MYO16: variants seen among roughly 807,000 people sequenced by gnomAD.
MYO16 encodes myosin XVI, also known as unconventional myosin-XVI.
Under a neutral mutation model 205.3 loss-of-function variants are expected in MYO16, and 94 were observed. The observed-to-expected ratio is 0.46, with a 90% CI of 0.39 to 0.54. The LOEUF (loss-of-function observed/expected upper bound fraction) is 0.54, where lower values mean the gene tolerates loss of function less well. MYO16 is among the 20% of genes least tolerant of loss of function. The pLI is 0.00. For missense variants in MYO16, 2,315 were observed against 2,387.5 expected (o/e 0.97, Z 0.63); for synonymous variants, 988 against 954.0 (o/e 1.04, Z -0.66).
intron 4 of MYO16, among the ~76,000 whole-genome samples, chr13:108,749,534 T>C (rs572629620): frequency 6.6e-6 from 1 of 152,342 alleles, no homozygotes; most frequent in South Asian, 2.1e-4. Context: ...TAGCATTTGT[T>C]ATTAGACAGT....
intron 4 of MYO16, among the ~76,000 whole-genome samples, chr13:108,744,384 T>C (rs1013096268): frequency 7.9e-5 from 12 of 152,356 alleles, no homozygotes; most frequent in Non-Finnish European, 7.3e-5. Flanking sequence ...AGTCATTCTA[T>C]AAGCCTTTTT....
intron 6 of MYO16, among the ~76,000 whole-genome samples, chr13:108,801,800 G>GC (rs1388727743): frequency 1.3e-5 from 2 of 152,174 alleles, no homozygotes; most frequent in East Asian, 3.8e-4. Flanking sequence ...AAGAGACCGT[G>GC]CATGTAAATC....
chr13:108,555,058 G>A, the MYO16 span, among the ~76,000 whole-genome samples: 1 of 151,884 alleles, frequency 6.6e-6, no homozygotes, highest in Admixed American at 6.6e-5. Flanking sequence ...GTCATTAATC[G>A]GCTAGTCTCA....
chr13:109,199,404 G>T (rs1880317588), intron 34 of MYO16, among the ~76,000 whole-genome samples: 1 of 151,430 alleles, frequency 6.6e-6, no homozygotes, highest in South Asian at 2.1e-4. Context: ...TTGCAGATGT[G>T]GAGTCCTTTG....
At chr13:109,048,599 C>T in intron 24 of MYO16, 1 of 359,960 alleles carries the variant, frequency 2.8e-6, no homozygotes, top group Non-Finnish European at 5.0e-6. Context: ...GCTCAGGAGC[C>T]ATGATTGCTC....
At chr13:108,661,212 A>G (rs1156731389) in intron 1 of MYO16, among the ~76,000 whole-genome samples, 1 of 152,098 alleles carries the variant, frequency 6.6e-6, no homozygotes, top group Non-Finnish European at 1.5e-5. Flanking sequence ...CAGAGCTCTT[A>G]AGATTCTTTA....
intron 4 of MYO16, among the ~76,000 whole-genome samples, chr13:108,729,478 TGCA>T: frequency 6.6e-6 from 1 of 152,334 alleles, no homozygotes; most frequent in Non-Finnish European, 1.5e-5. Context: ...TCATGGCTTT[TGCA>T]GTTTTTCTAT....
intron 4 of MYO16, among the ~76,000 whole-genome samples, chr13:108,730,855 C>T (rs2139591223): frequency 6.6e-6 from 1 of 152,302 alleles, no homozygotes; most frequent in African/African-American, 2.4e-5. Flanking sequence ...CTAGACACTC[C>T]TTCTCTGTAC....
intron 27 of MYO16, among the ~76,000 whole-genome samples, chr13:109,099,632 G>A (rs543349446): frequency 1.4e-4 from 21 of 152,238 alleles, no homozygotes; most frequent in Admixed American, 1.4e-3. Flanking sequence ...ATCCATGGCA[G>A]GTGTGTTTCC....
At chr13:108,603,960 A>T (rs774282958) in intron 1 of MYO16, among the ~76,000 whole-genome samples, 31 of 152,222 alleles carry the variant, frequency 2.0e-4, no homozygotes, top group Non-Finnish European at 5.9e-5. Flanking sequence ...GAAAGATTTA[A>T]TTGACTCACA....
chr13:109,100,862 A>G lies in MYO16; in HGVS notation c.3413A>G (p.Gln1138Arg). ...GCCGAGCGATGTCGACTTGTTCTCC[A>G]GCAGTGTAAATTACAAGGCTGGCAG... ...SAAERCRLVLQQCKLQGWQMG... is the reference protein window; with the variant it reads ...SAAERCRLVLRQCKLQGWQMG... The change falls in exon 28 of 35, where the codon CAG (glutamine) becomes CGG (arginine). Residue 1138 changes from glutamine (Q) to arginine (R), a missense_variant. Gln to Arg is a conservative substitution (Grantham distance 43). Transcript: ENST00000457511. The G allele has an allele frequency of 6.2e-7, 1 of 1,613,570 alleles. No individual in the cohort carries two copies. Among genetic ancestry groups the G allele is most frequent in the Non-Finnish European group, 8.5e-7 (1 of 1,179,516 alleles).
chr13:108,592,028 C>T (rs916452428), upstream of MYO16, among the ~76,000 whole-genome samples: 3 of 122,114 alleles, frequency 2.5e-5, no homozygotes, highest in Non-Finnish European at 4.8e-5. Flanking sequence ...CTTTTAAAGA[C>T]ATAAGATTAA....
intron 33 of MYO16, among the ~76,000 whole-genome samples, chr13:109,166,378 T>C (rs1251705003): frequency 2.6e-5 from 4 of 152,028 alleles, no homozygotes; most frequent in Non-Finnish European, 5.9e-5. Context: ...AAATAAAAAA[T>C]AACTGGAGAA....
chr13:108,862,370 T>A (rs561249691), intron 11 of MYO16, among the ~76,000 whole-genome samples: 8 of 152,230 alleles, frequency 5.3e-5, no homozygotes, highest in African/African-American at 1.7e-4. Flanking sequence ...CATCCAGGAT[T>A]ATGTTGTTTA....
chr13:109,030,748 A>G (rs1357591369), intron 23 of MYO16, among the ~76,000 whole-genome samples: 2 of 152,128 alleles, frequency 1.3e-5, no homozygotes, highest in Non-Finnish European at 2.9e-5. Flanking sequence ...ATAGCATCTT[A>G]AATTCAACAG....
intron 4 of MYO16, among the ~76,000 whole-genome samples, chr13:108,757,595 C>G (rs757252587): frequency 2.2e-4 from 34 of 152,180 alleles, no homozygotes; most frequent in Non-Finnish European, 4.1e-4. Context: ...CGTCATTTAA[C>G]ATTAGGTATA....
At chr13:108,616,841 G>A (rs1879367030) in intron 1 of MYO16, among the ~76,000 whole-genome samples, 1 of 152,122 alleles carries the variant, frequency 6.6e-6, no homozygotes, top group African/African-American at 2.4e-5. Context: ...AAGGTCAGAG[G>A]AAAGATAAAG....
chr13:109,068,034 A>G (rs1223995444), intron 27 of MYO16, among the ~76,000 whole-genome samples: 1 of 152,230 alleles, frequency 6.6e-6, no homozygotes, highest in Non-Finnish European at 1.5e-5. Flanking sequence ...CCAACATTCA[A>G]TACCACACAA....
intron 23 of MYO16, among the ~76,000 whole-genome samples, chr13:109,036,942 A>G (rs1886736354): frequency 6.6e-6 from 1 of 152,230 alleles, no homozygotes; most frequent in Non-Finnish European, 1.5e-5. Context: ...TGAGCCAAGC[A>G]GCTGCCCTGA....
Sources: gnomAD v4.1 joint callset for allele counts (sites outside exome capture counted in the v4.1 genomes callset) on GRCh38, gnomAD v4.1.1 for gene constraint, MANE v1.5 for transcripts, NCBI Gene and HGNC (gene_info 2026-07-23, HGNC 2026-07-21) for gene names.